MAP6: variants seen among roughly 807,000 people sequenced by gnomAD.
MAP6 encodes the protein microtubule-associated protein 6.
A neutral mutation model predicts 42.4 loss-of-function variants in MAP6; 26 were observed. The observed-to-expected ratio is 0.61, with a 90% CI of 0.45 to 0.85. The LOEUF is 0.85. Among genes scored for constraint, MAP6 ranks in the 40% least tolerant of loss-of-function variants. The pLI is 0.00. For synonymous variants in MAP6, 418 were observed against 443.8 expected, an observed-to-expected ratio of 0.94 and a Z score of 0.73; for missense variants, 966 against 1,099.0, an observed-to-expected ratio of 0.88 and a Z score of 1.71.
At chr11:75,603,482 T>C in intron 3 of MAP6, 3 of 984,234 alleles carry the variant, frequency 3.0e-6, no homozygotes, top group Non-Finnish European at 2.4e-6. Context: ...ACAAACAGGG[T>C]TTTCTCAGTG....
At chr11:75,661,225 T>C (rs1466544944) in intron 1 of MAP6, among the ~76,000 whole-genome samples, 2 of 152,026 alleles carry the variant, frequency 1.3e-5, no homozygotes, top group Non-Finnish European at 2.9e-5. Context: ...AAAAAATCCA[T>C]GAAAAAGACA....
chr11:75,647,338 C>T (rs1222066172), intron 1 of MAP6, among the ~76,000 whole-genome samples: 1 of 127,470 alleles, frequency 7.8e-6, no homozygotes, highest in African/African-American at 3.2e-5. Flanking sequence ...AAAAAAAAAC[C>T]CACCTGATCA....
At chr11:75,659,910 G>A (rs1256544071) in intron 1 of MAP6, among the ~76,000 whole-genome samples, 1 of 152,174 alleles carries the variant, frequency 6.6e-6, no homozygotes, top group Non-Finnish European at 1.5e-5. Context: ...CCTTCCCTAT[G>A]AGAGCAACAA....
At chr11:75,647,272 T>C (rs61895137) in intron 1 of MAP6, among the ~76,000 whole-genome samples, 7,516 of 147,530 alleles carry the variant, frequency 0.051, 240 homozygotes, top group East Asian at 0.14. Context: ...CATGAGCCAC[T>C]GTGCCCGGCT....
At chr11:75,603,119 C>G (rs576040153) in intron 3 of MAP6, 73 of 985,562 alleles carry the variant, frequency 7.4e-5, no homozygotes, top group South Asian at 9.4e-5. Context: ...GCAAAGAAAG[C>G]TATGTGGACC....
chr11:75,652,372 G>A (rs191589992), intron 1 of MAP6, among the ~76,000 whole-genome samples: 1 of 152,262 alleles, frequency 6.6e-6, no homozygotes. Flanking sequence ...AGCTCTCCAT[G>A]CCCCAGCTGT....
chr11:75,639,689 T>C (rs528219967), intron 1 of MAP6, among the ~76,000 whole-genome samples: 2 of 152,276 alleles, frequency 1.3e-5, no homozygotes, highest in Admixed American at 1.3e-4. Context: ...TATAAAAATA[T>C]GTATAGAAAG....
chr11:75,630,935 G>C (rs1432666629), intron 1 of MAP6, among the ~76,000 whole-genome samples: 1 of 152,222 alleles, frequency 6.6e-6, no homozygotes, highest in Admixed American at 6.5e-5. Flanking sequence ...CCTGGAATCT[G>C]TATTTTAACA....
chr11:75,661,474 A>G (rs1401937443), intron 1 of MAP6, among the ~76,000 whole-genome samples: 1 of 152,132 alleles, frequency 6.6e-6, no homozygotes, highest in East Asian at 1.9e-4. Flanking sequence ...AATTCAGCAT[A>G]ATAAAATATA....
At chr11:75,626,270 G>C (rs1008776235) in intron 1 of MAP6, among the ~76,000 whole-genome samples, 1 of 152,192 alleles carries the variant, frequency 6.6e-6, no homozygotes, top group Non-Finnish European at 1.5e-5. Flanking sequence ...GAATCATGGA[G>C]TAGCAGAGCT....
chr11:75,627,761 G>A (rs1441173754), intron 1 of MAP6, among the ~76,000 whole-genome samples: 1 of 152,120 alleles, frequency 6.6e-6, no homozygotes, highest in Non-Finnish European at 1.5e-5. Flanking sequence ...GAGCTCAGGG[G>A]GTTCCGTGTC....
At position 75,621,720 on chromosome 11, in the gene MAP6, A is replaced by C. The variant is rs187223231; in HGVS notation, c.906-13398T>G. Reference sequence around the variant, plus strand: ...GAAGACACAAACTGTCATTATTTGCATATAACATAATCTTGCATTTAGAAA... The same window carrying C: ...GAAGACACAAACTGTCATTATTTGCCTATAACATAATCTTGCATTTAGAAA... On this transcript the variant is annotated intron_variant, in intron 1 of 3. Coordinates refer to ENST00000304771, the MANE Select transcript of MAP6 (RefSeq NM_033063.2). Among the ~76,000 whole-genome samples the C allele has an allele frequency of 2.2e-3, 331 of 152,282 alleles. 3 individuals are homozygous for C. Among genetic ancestry groups the C allele is most frequent in the Admixed American group, 0.013 (204 of 15,296 alleles).
chr11:75,593,345 C>A (rs1328349703), intron 3 of MAP6, among the ~76,000 whole-genome samples: 2 of 152,244 alleles, frequency 1.3e-5, no homozygotes, highest in African/African-American at 4.8e-5. Flanking sequence ...TTATATGAGA[C>A]ATCTTGTCTT....
At chr11:75,625,947 C>T (rs988640018) in intron 1 of MAP6, among the ~76,000 whole-genome samples, 1 of 152,228 alleles carries the variant, frequency 6.6e-6, no homozygotes, top group African/African-American at 2.4e-5. Context: ...GCCTCCCACT[C>T]TCGTCCTCTG....
chr11:75,653,044 T>C (rs774584565), intron 1 of MAP6, among the ~76,000 whole-genome samples: 7 of 152,094 alleles, frequency 4.6e-5, no homozygotes, highest in Non-Finnish European at 1.0e-4. Flanking sequence ...TCTCTCCCTG[T>C]ACCCTCTAAA....
intron 1 of MAP6, among the ~76,000 whole-genome samples, chr11:75,660,392 C>G (rs926455120): frequency 2.8e-4 from 42 of 152,256 alleles, no homozygotes; most frequent in African/African-American, 9.4e-4. Context: ...CATAGACAAC[C>G]CAAATTCTAT....
chr11:75,666,046 T>C (rs990594633), intron 1 of MAP6, among the ~76,000 whole-genome samples: 6 of 152,190 alleles, frequency 3.9e-5, no homozygotes, highest in Non-Finnish European at 5.9e-5. Flanking sequence ...GTCTAACCTA[T>C]ATACAGAGTC....
chr11:75,608,432 G>T, intron 1 of MAP6, 110 bp from the exon 2 acceptor site: 1 of 821,298 alleles, frequency 1.2e-6, no homozygotes, highest in South Asian at 1.7e-5. Flanking sequence ...TTGCAGCATT[G>T]ACTGAAGTGT....
At chr11:75,627,316 T>G (rs1286841919) in intron 1 of MAP6, among the ~76,000 whole-genome samples, 1 of 152,244 alleles carries the variant, frequency 6.6e-6, no homozygotes, top group Non-Finnish European at 1.5e-5. Context: ...CACACAGGCC[T>G]ACAACTTAAT....
Sources: allele counts gnomAD v4.1 joint callset (sites outside exome capture counted in the v4.1 genomes callset), GRCh38; gene constraint gnomAD v4.1.1; transcripts MANE v1.5; gene names NCBI Gene and HGNC (gene_info 2026-07-23, HGNC 2026-07-21).